The following NOMO2 variants were observed in gnomAD, a reference collection of about 807,000 sequenced individuals.
The protein encoded by NOMO2 is NODAL modulator 2, also known as BOS complex subunit NOMO2.
A neutral mutation model predicts 67.1 loss-of-function variants in NOMO2; 14 were observed. The ratio of observed to expected loss-of-function variants is 0.21; its 90% confidence interval spans 0.14 to 0.33. NOMO2 has a LOEUF of 0.33. Ranked by LOEUF, NOMO2 falls within the 10% of genes least tolerant of loss-of-function variation. NOMO2 has a pLI of 1.00. For missense variants in NOMO2, 178 were observed against 761.0 expected (o/e 0.23, Z 9.01); for synonymous variants, 80 against 305.9 (o/e 0.26, Z 7.71).
At chr16:18,560,362 A>AG (rs1902009314) in intron 1 of NOMO2, among the ~76,000 whole-genome samples, 1 of 151,122 alleles carries the variant, frequency 6.6e-6, no homozygotes, top group African/African-American at 2.4e-5. Flanking sequence ...GTGAGGGTGG[A>AG]GGGGGGTGCC....
chr16:18,520,370 T>TCATCCATG (rs1901030529), intron 20 of NOMO2, among the ~76,000 whole-genome samples: 1 of 115,974 alleles, frequency 8.6e-6, no homozygotes, highest in East Asian at 2.4e-4. Context: ...AATCATTCAT[T>TCATCCATG]CATCCATCCA....
chr16:18,529,347 C>T, intron 15 of NOMO2, 154 bp downstream of exon 15: 1 of 1,492,522 alleles, frequency 6.7e-7, no homozygotes, highest in Non-Finnish European at 9.2e-7. Flanking sequence ...ATAAATGCTT[C>T]CTGATTATGC....
chr16:18,539,841 T>A (rs1230710594), intron 9 of NOMO2, among the ~76,000 whole-genome samples: 1 of 152,114 alleles, frequency 6.6e-6, no homozygotes, highest in Non-Finnish European at 1.5e-5. Context: ...TGTCTGTGTC[T>A]GTGTCTGTGC....
chr16:18,562,087 C>T lies in NOMO2; in HGVS notation c.-47G>A, dbSNP rs973896565. ...ACCCACCGCCGGCAGCCGGGTCCCGCCCCTCACACTGCACGCCGCAGGCTC... is the reference window on the plus strand; with the variant it reads ...ACCCACCGCCGGCAGCCGGGTCCCGTCCCTCACACTGCACGCCGCAGGCTC... On this transcript the variant is annotated 5_prime_UTR_variant, in exon 1 of 31. Transcript: ENST00000622306. The T allele has an allele frequency of 5.0e-6, 7 of 1,393,358 alleles. No individual in the cohort carries two copies. The highest frequency in any genetic ancestry group is 6.5e-6 in the Non-Finnish European group (7 of 1,077,980). 86.3% of individuals were successfully genotyped at this position (1,393,358 alleles called of 1,614,324 possible). A position where few individuals can be genotyped will look rare whatever the true frequency, so the allele number is the denominator to read the frequency against.
At chr16:18,559,257 C>A (rs139903965) in intron 1 of NOMO2, among the ~76,000 whole-genome samples, 1 of 151,964 alleles carries the variant, frequency 6.6e-6, no homozygotes, top group South Asian at 2.1e-4. Context: ...CAGTGTAATA[C>A]GTAGGGAACA....
chr16:18,555,768 C>T (rs1188315306), intron 2 of NOMO2, among the ~76,000 whole-genome samples: 2 of 68,136 alleles, frequency 2.9e-5, no homozygotes, highest in Admixed American at 2.0e-4. Flanking sequence ...ACGTGACACC[C>T]GGCTAATTTT....
chr16:18,537,481 G>GCC (rs1409074073), intron 11 of NOMO2, among the ~76,000 whole-genome samples: 1 of 144,298 alleles, frequency 6.9e-6, no homozygotes, highest in Non-Finnish European at 1.5e-5. Flanking sequence ...GCCCCAGTGG[G>GCC]AGAAAGCCCC....
chr16:18,535,307 A>T (rs1901392620), intron 11 of NOMO2, among the ~76,000 whole-genome samples: 1 of 151,604 alleles, frequency 6.6e-6, no homozygotes, highest in Non-Finnish European at 1.5e-5. Context: ...ACGGAGTAAG[A>T]CCCTGTCTCA....
intron 3 of NOMO2, among the ~76,000 whole-genome samples, chr16:18,551,887 G>A (rs1259097164): frequency 4.6e-5 from 7 of 151,854 alleles, no homozygotes; most frequent in South Asian, 2.1e-4. Flanking sequence ...GCTCATCACC[G>A]ACCAGGCACT....
At chr16:18,541,756 C>A (rs1483608630) in intron 9 of NOMO2, among the ~76,000 whole-genome samples, 1 of 141,094 alleles carries the variant, frequency 7.1e-6, no homozygotes, top group African/African-American at 2.6e-5. Flanking sequence ...GTGGGAGGAT[C>A]ACTTGAGCCC....
chr16:18,533,066 A>G lies in NOMO2; in HGVS notation c.1334T>C (p.Val445Ala). The change falls in exon 12 of 31, where the codon GTG becomes GCG. Residue 445 changes from valine to alanine, a missense_variant. Val to Ala is a moderately conservative substitution (Grantham distance 64). Transcript: ENST00000622306. ...SQDKDKSLVT[V>A]ETDAHGSFCF... is the part of the protein sequence containing the mutation. ...AAATGATCCATGAGCATCTGTCTCCACGGTGACCAAAGACTTGTCCTTGTC... is the reference window on the plus strand; with the variant it reads ...AAATGATCCATGAGCATCTGTCTCCGCGGTGACCAAAGACTTGTCCTTGTC... 1 of 1,610,328 alleles carries G rather than the reference A, an allele frequency of 6.2e-7. No homozygotes were observed. The highest frequency in any genetic ancestry group is 8.5e-7 in the Non-Finnish European group (1 of 1,179,356).
intron 11 of NOMO2, among the ~76,000 whole-genome samples, chr16:18,536,868 T>A (rs1219882641): frequency 1.3e-5 from 2 of 152,186 alleles, no homozygotes; most frequent in African/African-American, 2.4e-5. Context: ...ACTGGACTCC[T>A]TGACCTCGAC....
chr16:18,525,789 G>A (rs1210341779), intron 16 of NOMO2, among the ~76,000 whole-genome samples: 7 of 151,696 alleles, frequency 4.6e-5, no homozygotes, highest in African/African-American at 1.7e-4. Context: ...GGAGGAGGGG[G>A]CGCAAGGAAA....
intron 16 of NOMO2, among the ~76,000 whole-genome samples, chr16:18,524,757 G>A (rs2141712773): frequency 6.9e-6 from 1 of 145,916 alleles, no homozygotes; most frequent in African/African-American, 2.5e-5. Flanking sequence ...CCATGCAATG[G>A]CCCGATCACA....
intron 4 of NOMO2, among the ~76,000 whole-genome samples, chr16:18,550,817 G>C (rs866228128): frequency 0.019 from 2,926 of 150,492 alleles, 1 homozygote; most frequent in African/African-American, 0.069. Context: ...GGCTTAGAGA[G>C]TGCGTCCTTC....
intron 16 of NOMO2, among the ~76,000 whole-genome samples, chr16:18,527,141 A>G: frequency 8.3e-6 from 1 of 120,616 alleles, no homozygotes. Context: ...GCTTGAACCC[A>G]GGAGGCGGAG....
intron 2 of NOMO2, among the ~76,000 whole-genome samples, chr16:18,557,043 C>T (rs1289805212): frequency 6.6e-6 from 1 of 151,874 alleles, no homozygotes; most frequent in Non-Finnish European, 1.5e-5. Flanking sequence ...AGGAAAATGG[C>T]TTGAACCTGG....
rs1219894751 is a variant in NOMO2 at position 18,553,468 on chromosome 16, A to G, written c.301+1339T>C. Among the ~76,000 whole-genome samples the G allele has an allele frequency of 2.0e-5, 3 of 151,070 alleles. No individual in the cohort carries two copies. The East Asian group carries it at 5.8e-4, about 29-fold the overall frequency. On this transcript the variant is annotated intron_variant, in intron 3 of 30. Transcript: ENST00000622306. ...TTTGTATAAAGTTCAAAACAGACCA[A>G]ATGGATCTCTAATTTGTAGAAGGTC...
intron 15 of NOMO2, among the ~76,000 whole-genome samples, chr16:18,528,954 C>T (rs1350316130): frequency 1.1e-5 from 1 of 93,246 alleles, no homozygotes; most frequent in African/African-American, 3.8e-5. Context: ...GGCAACAGAG[C>T]AAGACTCCAT....
Sources: allele counts gnomAD v4.1 joint callset (sites outside exome capture counted in the v4.1 genomes callset), GRCh38; gene constraint gnomAD v4.1.1; transcripts MANE v1.5; gene names NCBI Gene and HGNC (gene_info 2026-07-23, HGNC 2026-07-21).